The following KCNH1 variants were observed in gnomAD, a reference collection of about 807,000 sequenced individuals.
KCNH1 encodes potassium voltage-gated channel subfamily H member 1.
KCNH1 carries 27 observed loss-of-function variants against 69.2 expected under a neutral mutation model. That is an observed-to-expected ratio of 0.39 (90% CI 0.29 to 0.54). The LOEUF (loss-of-function observed/expected upper bound fraction) is 0.54, where lower values mean the gene tolerates loss of function less well. Ranked by LOEUF, KCNH1 falls within the 20% of genes least tolerant of loss-of-function variation. The probability of loss-of-function intolerance (pLI) is 0.68; values close to 1 mark genes in which losing one functional copy is unlikely to be tolerated. For synonymous variants in KCNH1, 456 were observed against 487.7 expected (o/e 0.93, Z 0.86); for missense variants, 798 against 1,261.6 (o/e 0.63, Z 5.57).
Position 210,695,999 on chromosome 1 carries a change from A to C in KCNH1, c.2113-11861T>G, listed in dbSNP as rs1183093105. 2.0e-5 allele frequency among the ~76,000 whole-genome samples: 3 copies of C among 152,324 alleles called. No individual in the cohort carries two copies. The East Asian group carries it at 5.8e-4, about 29-fold the overall frequency. On this transcript the variant is annotated intron_variant, in intron 10 of 10. Transcript: ENST00000271751. ...TCAGCTCCTGTAGTATGGCTCCAGCAGCAGTGGTCAGCTTTAGTCCCACTC... is the reference window on the plus strand; with the variant it reads ...TCAGCTCCTGTAGTATGGCTCCAGCCGCAGTGGTCAGCTTTAGTCCCACTC...
chr1:210,779,618 A>G (rs1382292602), intron 9 of KCNH1, among the ~76,000 whole-genome samples: 1 of 152,230 alleles, frequency 6.6e-6, no homozygotes, highest in African/African-American at 2.4e-5. Context: ...TACTGGAGGC[A>G]ATCAGCCTAT....
At chr1:210,904,253 C>G (rs1687051576) in intron 7 of KCNH1, among the ~76,000 whole-genome samples, 2 of 152,116 alleles carry the variant, frequency 1.3e-5, no homozygotes, top group South Asian at 4.2e-4. Flanking sequence ...AAGAAAGCAG[C>G]AGCTGAGTGA....
At chr1:210,859,567 A>C in intron 7 of KCNH1, 1 of 1,566,216 alleles carries the variant, frequency 6.4e-7, no homozygotes, top group East Asian at 2.2e-5. Context: ...ATCTTCATCA[A>C]TATCATCTTC....
rs550551930 is a variant in KCNH1, at chr1:210,861,573, AT to A, written c.1463-57408del. ...GTTTCAGTCTTTAAAATTTCTACCC[AT>A]TCTGTCAGGTTCTGTTGGTTTATCA... On this transcript the variant is annotated intron_variant, in intron 7 of 10. Coordinates refer to ENST00000271751, the MANE Select transcript of KCNH1 (RefSeq NM_172362.3). 298 of 772,126 alleles carry A rather than the reference AT, an allele frequency of 3.9e-4. 7 individuals carry two copies. In the South Asian group the frequency reaches 3.9e-3, roughly 10 times the overall value. 47.8% of individuals were successfully genotyped at this position (772,126 alleles called of 1,614,324 possible).
chr1:210,744,822 ACC>A (rs1683112459), intron 10 of KCNH1, among the ~76,000 whole-genome samples: 2 of 152,092 alleles, frequency 1.3e-5, no homozygotes, highest in Admixed American at 1.3e-4. Context: ...ACCCTACAAG[ACC>A]CAAGCGCCGT....
chr1:211,073,204 T>C (rs1450511067), intron 5 of KCNH1, among the ~76,000 whole-genome samples: 1 of 152,112 alleles, frequency 6.6e-6, no homozygotes, highest in African/African-American at 2.4e-5. Context: ...CATCTAACAA[T>C]AGAGCATCAA....
rs1185283006 is a variant in KCNH1, at chr1:210,718,491, T to C, written c.2113-34353A>G. Among the ~76,000 whole-genome samples the C allele has an allele frequency of 9.8e-5, 6 of 60,980 alleles. 2 individuals are homozygous for C. The highest frequency in any genetic ancestry group is 4.3e-4 in the African/African-American group (6 of 13,866). The allele number at this position is 60,980 out of a possible 152,430, so 40.0% of individuals were successfully genotyped here. ...TATATATATAAAATATATACATATA[T>C]GTATATATATAAAATATATACATAT... On this transcript the variant is annotated intron_variant, in intron 10 of 10. Coordinates refer to ENST00000271751, the MANE Select transcript of KCNH1 (RefSeq NM_172362.3).
At chr1:210,770,999 C>T (rs1490891703) in intron 10 of KCNH1, among the ~76,000 whole-genome samples, 1 of 152,170 alleles carries the variant, frequency 6.6e-6, no homozygotes, top group East Asian at 1.9e-4. Flanking sequence ...GGGAATGATA[C>T]AGTAATGTCA....
At chr1:210,774,955 G>A (rs1171747922) in intron 10 of KCNH1, among the ~76,000 whole-genome samples, 2 of 152,016 alleles carry the variant, frequency 1.3e-5, no homozygotes, top group Non-Finnish European at 2.9e-5. Flanking sequence ...ATACTACTCA[G>A]CAAATCCCAG....
chr1:211,033,290 A>G (rs1266358677), intron 5 of KCNH1, among the ~76,000 whole-genome samples: 2 of 152,254 alleles, frequency 1.3e-5, no homozygotes, highest in Non-Finnish European at 2.9e-5. Flanking sequence ...GTGGAGAAAT[A>G]GGAACACTTT....
At chr1:210,939,474 A>G (rs899744660) in intron 6 of KCNH1, among the ~76,000 whole-genome samples, 1 of 152,194 alleles carries the variant, frequency 6.6e-6, no homozygotes, top group African/African-American at 2.4e-5. Context: ...TGTTCCAGAC[A>G]GAAGGATCAG....
rs758542606 is a variant in KCNH1 at position 210,919,731 on chromosome 1, T to C, written c.1371A>G (p.Thr457=). ...AGCCCACACTGGTGAGGCTGGTCAT[T>C]GTGAAATACAACGAGGAGATGTAGA... The part of the protein sequence containing the change: ...NSVYISSLYF[T]MTSLTSVGFG... Residue 457 remains threonine (T), a synonymous_variant, in exon 7 of 11, where the codon ACA becomes ACG. Transcript: ENST00000271751. The surrounding 1 kb of genome is among the most constrained non-coding windows in gnomAD (Gnocchi z 4.2). The C allele has an allele frequency of 1.9e-6, 3 of 1,614,134 alleles. No homozygotes were observed. The Admixed American group carries it at 5.0e-5, about 27-fold the overall frequency.
In KCNH1 at chr1:210,965,519, C is replaced by T. The variant is rs563953664; in HGVS notation, c.1033-45450G>A. ...AAAGAGCCCACATAGCCAAGATGAT[C>T]CTCAGCAAAAAGAACAAAGCTGGAG... On this transcript the variant is annotated intron_variant, in intron 6 of 10. Transcript: ENST00000271751. Among the ~76,000 whole-genome samples, 7 of 152,138 alleles carry T rather than the reference C, an allele frequency of 4.6e-5. No homozygotes were observed. The South Asian group carries it at 1.5e-3, about 32-fold the overall frequency.
chr1:211,044,313 C>G (rs1324615643), intron 5 of KCNH1, among the ~76,000 whole-genome samples: 1 of 151,994 alleles, frequency 6.6e-6, no homozygotes, highest in East Asian at 1.9e-4. Context: ...AAGTGGAGAA[C>G]CAAATCAAGA....
chr1:210,718,069 T>C lies in KCNH1; in HGVS notation c.2113-33931A>G, dbSNP rs1682306806. Among the ~76,000 whole-genome samples the C allele has an allele frequency of 2.0e-5, 3 of 151,732 alleles. 1 individual carries two copies. The highest frequency in any genetic ancestry group is 4.2e-4 in the South Asian group (2 of 4,818). On this transcript the variant is annotated intron_variant, in intron 10 of 10. Transcript: ENST00000271751. Reference sequence around the variant, plus strand: ...TTGCAGTGAGCTGAGATTGCACTACTGCACTCCAGCCTGGGTGACAGAGCA... The same window carrying C: ...TTGCAGTGAGCTGAGATTGCACTACCGCACTCCAGCCTGGGTGACAGAGCA...
chr1:210,691,796 A>G (rs548613083), intron 10 of KCNH1, among the ~76,000 whole-genome samples: 6 of 152,350 alleles, frequency 3.9e-5, no homozygotes, highest in South Asian at 4.1e-4. Context: ...GGATGGACCA[A>G]TGACTTAGGG....
intron 6 of KCNH1, among the ~76,000 whole-genome samples, chr1:210,953,721 A>G (rs1379746266): frequency 6.6e-6 from 1 of 152,150 alleles, no homozygotes; most frequent in East Asian, 1.9e-4. Context: ...AGTGCCTACG[A>G]GTAAAATTCA....
At chr1:210,727,934 A>G (rs1167712806) in intron 10 of KCNH1, among the ~76,000 whole-genome samples, 1 of 152,246 alleles carries the variant, frequency 6.6e-6, no homozygotes, top group Admixed American at 6.5e-5. Flanking sequence ...TAAACTACAA[A>G]GCAACTGTGA....
chr1:211,029,075 G>A (rs140573168), intron 5 of KCNH1, among the ~76,000 whole-genome samples: 1,692 of 148,794 alleles, frequency 0.011, 33 homozygotes, highest in African/African-American at 0.039. Context: ...TCAGGCCTGT[G>A]TTCCCAGTGC....
Sources: gnomAD v4.1 joint callset for allele counts (sites outside exome capture counted in the v4.1 genomes callset) on GRCh38, gnomAD v4.1.1 for gene constraint, Gnocchi (gnomAD v3.1) non-coding constraint, MANE v1.5 for transcripts, NCBI Gene and HGNC (gene_info 2026-07-23, HGNC 2026-07-21) for gene names.